Variants in PIK3C2G observed in about 807,000 individuals in gnomAD.
PIK3C2G encodes the protein phosphatidylinositol 3-kinase C2 domain-containing subunit gamma.
PIK3C2G carries 168 observed loss-of-function variants against 181.1 expected under a neutral mutation model. The observed-to-expected ratio is 0.93, with a 90% confidence interval of 0.82 to 1.05. The LOEUF is 1.05. Ranked by LOEUF, PIK3C2G falls within the 50% of genes least tolerant of loss-of-function variation. The pLI is 0.00. For synonymous variants in PIK3C2G, 573 were observed against 592.2 expected (o/e 0.97, Z 0.47); for missense variants, 1,869 against 1,732.8 (o/e 1.08, Z -1.40).
At chr12:18,497,773 T>C in intron 22 of PIK3C2G, 25 bp downstream of exon 22, 1 of 1,497,430 alleles carries the variant, frequency 6.7e-7, no homozygotes. Flanking sequence ...GAAAGTGCGC[T>C]GGCTCACATT....
intron 29 of PIK3C2G, among the ~76,000 whole-genome samples, chr12:18,578,305 T>G (rs1171277571): frequency 1.3e-5 from 2 of 151,818 alleles, no homozygotes; most frequent in Non-Finnish European, 2.9e-5. Flanking sequence ...ACACGTTGGG[T>G]TTTTTTTCCT....
intron 19 of PIK3C2G, among the ~76,000 whole-genome samples, chr12:18,489,173 C>T (rs915322306): frequency 6.6e-6 from 1 of 151,966 alleles, no homozygotes; most frequent in East Asian, 1.9e-4. Flanking sequence ...AATATTTGCT[C>T]TTTTTAATTA....
At chr12:18,509,772 A>G (rs1318921147) in intron 24 of PIK3C2G, among the ~76,000 whole-genome samples, 2 of 152,224 alleles carry the variant, frequency 1.3e-5, no homozygotes, top group African/African-American at 4.8e-5. Flanking sequence ...CTGCATATAA[A>G]CAAATGATCC....
At chr12:18,469,173 A>G (rs1938206695) in intron 18 of PIK3C2G, among the ~76,000 whole-genome samples, 1 of 152,082 alleles carries the variant, frequency 6.6e-6, no homozygotes, top group Non-Finnish European at 1.5e-5. Flanking sequence ...TTTGCTTCCT[A>G]CGTCAGTGTG....
At chr12:18,349,633 G>T (rs1024859425) in intron 11 of PIK3C2G, among the ~76,000 whole-genome samples, 2 of 152,014 alleles carry the variant, frequency 1.3e-5, no homozygotes, top group African/African-American at 4.8e-5. Context: ...TCATTATATA[G>T]AATAGAAATT....
At chr12:18,497,387 G>A (rs912464619) in intron 21 of PIK3C2G, among the ~76,000 whole-genome samples, 1 of 152,138 alleles carries the variant, frequency 6.6e-6, no homozygotes, top group Non-Finnish European at 1.5e-5. Flanking sequence ...ATTCCAAGCA[G>A]CACCTCTAAT....
rs1473317213 is a variant in PIK3C2G at position 18,381,865 on chromosome 12, C to G, written c.1980C>G (p.Ser660=). ...GAGTGTGGGATGTAAGTCAGCCATCCCCGGTGACCCTGCAGGTAAGTGCCA... is the reference window on the plus strand; with the variant it reads ...GAGTGTGGGATGTAAGTCAGCCATCGCCGGTGACCCTGCAGGTAAGTGCCA... The part of the protein sequence containing the change: ...TPGVWDVSQP[S]PVTLQIDFPA... The change falls in exon 14 of 33, where the codon TCC becomes TCG. Residue 660 remains serine (S), a synonymous_variant. Transcript: ENST00000538779. The G allele has an allele frequency of 6.2e-7, 1 of 1,606,920 alleles. No individual in the cohort carries two copies.
chr12:18,505,511 A>C, intron 24 of PIK3C2G, 50 bp downstream of exon 24: 1 of 1,316,766 alleles, frequency 7.6e-7, no homozygotes, highest in African/African-American at 1.5e-5. Context: ...CCTAAGCAAT[A>C]TGTATAACAT....
At chr12:18,406,483 T>C (rs1383587821) in intron 16 of PIK3C2G, among the ~76,000 whole-genome samples, 1 of 152,192 alleles carries the variant, frequency 6.6e-6, no homozygotes, top group African/African-American at 2.4e-5. Flanking sequence ...ATATAAATGG[T>C]GCCTCTTGGA....
At chr12:18,346,617 T>A in intron 10 of PIK3C2G, 24 bp from the exon 11 acceptor site, 2 of 1,476,980 alleles carry the variant, frequency 1.4e-6, no homozygotes, top group South Asian at 1.2e-5. Flanking sequence ...CTTAGTGACT[T>A]GATCTCTATC....
intron 24 of PIK3C2G, among the ~76,000 whole-genome samples, chr12:18,516,740 A>C (rs1477954678): frequency 6.6e-6 from 1 of 151,866 alleles, no homozygotes. Context: ...AACAAGTCTA[A>C]ATGGGGTTTT....
rs146533367 is a variant in PIK3C2G, at chr12:18,403,286, T to C, written c.2315+3439T>C. Among the ~76,000 whole-genome samples, 3 of 152,346 alleles carry C rather than the reference T, an allele frequency of 2.0e-5. No homozygotes were observed. In the East Asian group the frequency reaches 5.8e-4, roughly 29 times the overall value. ...TCATTCAGGGAACTTAGTAGAATCC[T>C]GATTTATTTACACACTGGAAAGTTT... On this transcript the variant is annotated intron_variant, in intron 16 of 32. Coordinates refer to ENST00000538779, the MANE Select transcript of PIK3C2G (RefSeq NM_001288772.2).
At chr12:18,526,280 T>G (rs1169678891) in intron 24 of PIK3C2G, among the ~76,000 whole-genome samples, 1 of 152,204 alleles carries the variant, frequency 6.6e-6, no homozygotes, top group Non-Finnish European at 1.5e-5. Context: ...TTAGTTTTCT[T>G]TGAAATTAGG....
chr12:18,500,188 C>G (rs971938726), intron 22 of PIK3C2G, among the ~76,000 whole-genome samples: 6 of 152,160 alleles, frequency 3.9e-5, no homozygotes, highest in Admixed American at 6.5e-5. Flanking sequence ...CAGTGCTTGC[C>G]GGCCGGCTGG....
At chr12:18,701,619 TCCTCCTC>T in the PIK3C2G span, 3 of 1,007,474 alleles carry the variant, frequency 3.0e-6, no homozygotes, top group Non-Finnish European at 3.8e-6. Context: ...CTCCTCCTCC[TCCTCCTC>T]CTCCTCCTCC....
chr12:18,599,908 T>C (rs1947616108), intron 30 of PIK3C2G, among the ~76,000 whole-genome samples: 1 of 151,926 alleles, frequency 6.6e-6, no homozygotes, highest in Non-Finnish European at 1.5e-5. Flanking sequence ...CAGTTATGAC[T>C]TCATATCAAA....
chr12:18,522,323 A>G (rs1182730465), intron 24 of PIK3C2G, among the ~76,000 whole-genome samples: 2 of 152,212 alleles, frequency 1.3e-5, no homozygotes, highest in Non-Finnish European at 1.5e-5. Context: ...ATGGATATGC[A>G]TCACTTATAC....
In PIK3C2G at chr12:18,543,522, G is replaced by T. The variant is rs1186457353; in HGVS notation, c.3481-2801G>T. 2.6e-5 allele frequency among the ~76,000 whole-genome samples: 4 copies of T among 151,844 alleles called. No individual in the cohort carries two copies. The East Asian group carries it at 7.8e-4, about 30-fold the overall frequency. Reference sequence around the variant, plus strand: ...TGTCTTCCAGATTTTTATAGCTTTGGGTTTTATATTTAAGTCTTTAATCCA... The same window carrying T: ...TGTCTTCCAGATTTTTATAGCTTTGTGTTTTATATTTAAGTCTTTAATCCA... On this transcript the variant is annotated intron_variant, in intron 25 of 32. Transcript: ENST00000538779.
At chr12:18,295,268 C>A (rs1032070747) in intron 5 of PIK3C2G, among the ~76,000 whole-genome samples, 11 of 151,820 alleles carry the variant, frequency 7.2e-5, no homozygotes, top group Admixed American at 5.9e-4. Context: ...TCCCAACATA[C>A]AATTTTGACA....
Sources: gnomAD v4.1 joint callset for allele counts (sites outside exome capture counted in the v4.1 genomes callset) on GRCh38, gnomAD v4.1.1 for gene constraint, MANE v1.5 for transcripts, NCBI Gene and HGNC (gene_info 2026-07-23, HGNC 2026-07-21) for gene names.